Variants in PSG7 observed in about 807,000 individuals in gnomAD.
PSG7 encodes pregnancy specific beta-1-glycoprotein 7.
In PSG7, 57 loss-of-function variants were observed where a neutral mutation model predicts 45.6. That is an observed-to-expected ratio of 1.25 (90% CI 1.01 to 1.56). The LOEUF is 1.56. Ranked by LOEUF, PSG7 falls within the 40% of genes most tolerant of loss-of-function variation. The pLI, the probability that PSG7 is intolerant of heterozygous loss-of-function variation, is 0.00. For missense variants in PSG7, 796 were observed against 508.4 expected (o/e 1.57, Z -5.44); for synonymous variants, 298 against 194.4 (o/e 1.53, Z -4.43).
At chr19:42,928,849 A>G (rs1442904323) in intron 3 of PSG7, among the ~76,000 whole-genome samples, 3 of 151,500 alleles carry the variant, frequency 2.0e-5, no homozygotes, top group African/African-American at 4.9e-5. Flanking sequence ...TATGGATGAA[A>G]GAGACATAGA....
In PSG7 at chr19:42,935,728, C is replaced by A. The variant is rs782015207; in HGVS notation, c.106G>T (p.Val36Phe). 2.5e-6 allele frequency: 4 copies of A among 1,611,580 alleles called. 1 individual carries two copies. In the African/African-American group the frequency reaches 5.4e-5, roughly 22 times the overall value. ...NFWNPPTTAQ[V>F]TIEAQPPKVS... ...TTTGGTGGCTGGGCTTCAATCGTGA[C>A]TTGGGCTGTGGTGGGCGGGTTCCAG... is the stretch of plus-strand genomic sequence containing the variant. Residue 36 changes from valine to phenylalanine, a missense_variant, in exon 2 of 6, where the codon GTC becomes TTC. Coordinates refer to ENST00000406070, the MANE Select transcript of PSG7 (RefSeq NM_002783.3).
intron 2 of PSG7, among the ~76,000 whole-genome samples, chr19:42,935,125 A>G (rs1210431346): frequency 1.3e-5 from 2 of 151,860 alleles, no homozygotes; most frequent in Admixed American, 1.3e-4. Flanking sequence ...TGAAGAGGGC[A>G]TGAGGTGCTT....
rs143464876 is a variant in PSG7, at chr19:42,927,748, G to T, written c.710-1032C>A. On this transcript the variant is annotated intron_variant, in intron 3 of 5. Coordinates refer to ENST00000406070, the MANE Select transcript of PSG7 (RefSeq NM_002783.3). ...GAGTGAATATGAGAAGAGACTGCTGGTTGCCAGGAGCTGGGAGTGGGGAGA... is the reference window on the plus strand; with the variant it reads ...GAGTGAATATGAGAAGAGACTGCTGTTTGCCAGGAGCTGGGAGTGGGGAGA... Among the ~76,000 whole-genome samples the T allele has an allele frequency of 6.9e-3, 1,043 of 151,706 alleles. 40 individuals carry two copies. The highest frequency in any genetic ancestry group is 0.024 in the African/African-American group (996 of 41,338).
chr19:42,926,612 T>G lies in PSG7; in HGVS notation c.814A>C (p.Ile272Leu). The G allele has an allele frequency of 6.2e-7, 1 of 1,610,238 alleles. No individual in the cohort carries two copies. Among genetic ancestry groups the G allele is most frequent in the Non-Finnish European group, 8.5e-7 (1 of 1,179,014 alleles). ...CEPKSENYTY[I>L]WWLNGQSLPV... ...AGGCTCTGACCATTTAGCCACCAAA[T>G]GTAGGTGTAGTTCTCACTCTTAGGT... Residue 272 changes from isoleucine to leucine, a missense_variant, in exon 4 of 6, where the codon ATT becomes CTT. Transcript: ENST00000406070.
At chr19:42,933,307 ATTT>A (rs397965905) in intron 2 of PSG7, among the ~76,000 whole-genome samples, 150 of 13,480 alleles carry the variant, frequency 0.011, 13 homozygotes, top group Admixed American at 0.022. Context: ...ATATATATAT[ATTT>A]TTTTTTTTTT....
chr19:42,932,083 GC>G (rs1197709101), intron 2 of PSG7, among the ~76,000 whole-genome samples: 1 of 151,198 alleles, frequency 6.6e-6, no homozygotes, highest in Non-Finnish European at 1.5e-5. Flanking sequence ...GAGTGCAGTG[GC>G]ATGATCTCAG....
chr19:42,934,948 C>T (rs1347917201), intron 2 of PSG7, among the ~76,000 whole-genome samples: 1 of 151,608 alleles, frequency 6.6e-6, no homozygotes, highest in African/African-American at 2.4e-5. Flanking sequence ...GCCCAAGAAA[C>T]CATAACCCAG....
In PSG7 at chr19:42,926,448, C is replaced by A. The variant is rs370449426; in HGVS notation, c.978G>T (p.Leu326=). ...YGGIRSDPVT[L]NVLYGPDLPR... is the part of the protein sequence containing the mutation. ...CTCAAGGATACTCACAGAGGACATT[C>A]AGGGTGACTGGGTCACTGCGGATGC... The change falls in exon 4 of 6, where the codon CTG becomes CTT. Residue 326 remains leucine, a synonymous_variant. Coordinates refer to ENST00000406070, the MANE Select transcript of PSG7 (RefSeq NM_002783.3). The A allele has an allele frequency of 3.0e-5, 49 of 1,611,578 alleles. 1 individual carries two copies. The African/African-American group carries it at 6.0e-4, about 20-fold the overall frequency.
At chr19:42,933,323 G>A (rs1413836621) in intron 2 of PSG7, among the ~76,000 whole-genome samples, 2 of 12,294 alleles carry the variant, frequency 1.6e-4, no homozygotes, top group Admixed American at 8.9e-4. Flanking sequence ...TTTTTTTTTT[G>A]GTGTATGTAT....
intron 4 of PSG7, 64 bp from the exon 5 acceptor site, chr19:42,926,091 T>C: frequency 6.3e-7 from 1 of 1,584,404 alleles, no homozygotes; most frequent in Non-Finnish European, 8.6e-7. Context: ...TCCTGGTCTC[T>C]TAAAGGGACA....
chr19:42,933,926 G>A (rs1568460015), intron 2 of PSG7, among the ~76,000 whole-genome samples: 1 of 151,488 alleles, frequency 6.6e-6, no homozygotes, highest in East Asian at 1.9e-4. Flanking sequence ...GTCAGCCTCC[G>A]AAGGACAAGG....
At chr19:42,928,916 A>G (rs1321540853) in intron 3 of PSG7, among the ~76,000 whole-genome samples, 1 of 151,574 alleles carries the variant, frequency 6.6e-6, no homozygotes, top group African/African-American at 2.4e-5. Context: ...TGATTGCTGG[A>G]ACTTCCCATC....
chr19:42,925,538 T>G lies in PSG7; in HGVS notation c.1243+235A>C, dbSNP rs187847881. ...TCCTCATTATTATCAATTATTTCAA[T>G]GAAATCAATGTTTTTCCTGCTTGGT... On this transcript the variant is annotated intron_variant, in intron 5 of 5. Transcript: ENST00000406070. 2.9e-5 allele frequency: 32 copies of G among 1,100,830 alleles called. No individual in the cohort carries two copies. In the African/African-American group the frequency reaches 3.7e-4, roughly 13 times the overall value. The allele number at this position is 1,100,830 out of a possible 1,614,324, so 68.2% of individuals were successfully genotyped here.
intron 2 of PSG7, among the ~76,000 whole-genome samples, chr19:42,935,001 G>C (rs1218873136): frequency 6.6e-6 from 1 of 151,628 alleles, no homozygotes; most frequent in African/African-American, 2.4e-5. Context: ...CAAGGATTTA[G>C]GGACAGGGGT....
At position 42,936,260 on chromosome 19, in the gene PSG7, A is replaced by G. The variant is rs189800946; in HGVS notation, c.65-491T>C. The G allele has an allele frequency of 2.7e-3, 433 of 162,790 alleles. 9 individuals are homozygous for G. The highest frequency in any genetic ancestry group is 4.9e-3 in the Middle Eastern group (2 of 408). The allele number at this position is 162,790 out of a possible 1,614,324, so 10.1% of individuals were successfully genotyped here. On this transcript the variant is annotated intron_variant, in intron 1 of 5. Coordinates refer to ENST00000406070, the MANE Select transcript of PSG7 (RefSeq NM_002783.3). ...TGTCTGTCTTCCTCCCCATGACAGCATGAGCTCCGTGAGGACAGGGACTTT... is the reference window on the plus strand; with the variant it reads ...TGTCTGTCTTCCTCCCCATGACAGCGTGAGCTCCGTGAGGACAGGGACTTT...
rs1406721094 is a variant in PSG7 at position 42,924,843 on chromosome 19, A to G, written c.1244-19T>C. On this transcript the variant is annotated intron_variant, in intron 5 of 5. Coordinates refer to ENST00000406070, the MANE Select transcript of PSG7 (RefSeq NM_002783.3). ...GTCCAGTCTACAGTGGATAATAAAA[A>G]CACAGAAACAATGAACAGAGCTGCA... The G allele has an allele frequency of 5.2e-6, 4 of 762,658 alleles. 1 individual carries two copies. Among genetic ancestry groups the G allele is most frequent in the Non-Finnish European group, 9.6e-6 (4 of 416,748 alleles). 47.2% of individuals were successfully genotyped at this position (762,658 alleles called of 1,614,324 possible).
At chr19:42,931,736 C>G (rs926040938) in intron 2 of PSG7, among the ~76,000 whole-genome samples, 2 of 151,442 alleles carry the variant, frequency 1.3e-5, no homozygotes, top group Non-Finnish European at 2.9e-5. Flanking sequence ...CATGAGATAG[C>G]ACCTACCTGG....
At chr19:42,933,105 A>G (rs902817252) in intron 2 of PSG7, among the ~76,000 whole-genome samples, 3 of 148,500 alleles carry the variant, frequency 2.0e-5, no homozygotes, top group Non-Finnish European at 4.5e-5. Flanking sequence ...CCAAACAATC[A>G]GCAGTACTCA....
At chr19:42,926,234 G>C (rs1421021813) in intron 4 of PSG7, 8 of 1,382,374 alleles carry the variant, frequency 5.8e-6, no homozygotes, top group Non-Finnish European at 7.8e-6. Flanking sequence ...CATGACAAGA[G>C]CGTCCACTCC....
Sources: allele counts gnomAD v4.1 joint callset (sites outside exome capture counted in the v4.1 genomes callset), GRCh38; gene constraint gnomAD v4.1.1; transcripts MANE v1.5; gene names NCBI Gene and HGNC (gene_info 2026-07-23, HGNC 2026-07-21).